MAST4: variants seen among roughly 807,000 people sequenced by gnomAD.
MAST4 encodes microtubule-associated serine/threonine-protein kinase 4.
In MAST4, 89 loss-of-function variants were observed where a neutral mutation model predicts 162.7. The ratio of observed to expected loss-of-function variants is 0.55; its 90% CI spans 0.46 to 0.65. MAST4 has a LOEUF of 0.65. Among genes scored for constraint, MAST4 ranks in the 30% least tolerant of loss-of-function variants. The pLI, the probability that MAST4 is intolerant of heterozygous loss-of-function variation, is 0.00. For missense variants in MAST4, 3,153 were observed against 3,374.0 expected, an observed-to-expected ratio of 0.93 and a Z score of 1.62; for synonymous variants, 1,479 against 1,361.1, an observed-to-expected ratio of 1.09 and a Z score of -1.91.
At position 66,596,395 on chromosome 5, in the gene MAST4, A is replaced by C; in HGVS notation, c.-261A>C. On this transcript the variant is annotated 5_prime_UTR_variant, in exon 1 of 29. Coordinates refer to ENST00000403625, the MANE Select transcript of MAST4 (RefSeq NM_001164664.2). ...CGGCTCGGGTGCAGCGCGGGAGCAC[A>C]GTGGAGCGCAGATCGCGGACCCGAG... 2 of 364,914 alleles carry C rather than the reference A, an allele frequency of 5.5e-6. No homozygotes were observed. Among genetic ancestry groups the C allele is most frequent in the East Asian group, 4.0e-5 (1 of 24,800 alleles). 22.6% of individuals were successfully genotyped at this position (364,914 alleles called of 1,614,324 possible). A position where few individuals can be genotyped will look rare whatever the true frequency, so the allele number is the denominator to read the frequency against.
chr5:66,875,809 G>A (rs1761260574), intron 3 of MAST4, among the ~76,000 whole-genome samples: 1 of 152,160 alleles, frequency 6.6e-6, no homozygotes, highest in Admixed American at 6.5e-5. Flanking sequence ...CACTCAGGCT[G>A]GAGTGCGGTA....
chr5:66,614,839 TG>T (rs1743560429), intron 1 of MAST4, among the ~76,000 whole-genome samples: 1 of 152,020 alleles, frequency 6.6e-6, no homozygotes, highest in Admixed American at 6.6e-5. Context: ...TGGGAGGTGA[TG>T]GGGTTCTCCT....
chr5:67,134,883 C>T (rs768924377), intron 18 of MAST4, among the ~76,000 whole-genome samples, 195 bp downstream of exon 18: 6 of 152,112 alleles, frequency 3.9e-5, no homozygotes, highest in Non-Finnish European at 8.8e-5. Context: ...GAAAATTGAT[C>T]TGAAGAAATG....
chr5:67,145,676 C>T (rs186766950), intron 23 of MAST4, among the ~76,000 whole-genome samples: 28 of 152,282 alleles, frequency 1.8e-4, no homozygotes, highest in African/African-American at 5.8e-4. Flanking sequence ...GAAGTCAGAA[C>T]GTGCTAAGGG....
At chr5:66,937,201 G>A (rs554310499) in intron 4 of MAST4, among the ~76,000 whole-genome samples, 142 of 152,228 alleles carry the variant, frequency 9.3e-4, no homozygotes, top group Non-Finnish European at 1.8e-3. Context: ...GAAAAATATT[G>A]GGGAGGTACA....
chr5:66,690,104 C>T (rs970376821), intron 1 of MAST4, among the ~76,000 whole-genome samples: 1 of 152,154 alleles, frequency 6.6e-6, no homozygotes, highest in Non-Finnish European at 1.5e-5. Context: ...GGAAACTCCA[C>T]TCCTGTTCCC....
At chr5:66,857,837 C>A (rs943639204) in intron 3 of MAST4, among the ~76,000 whole-genome samples, 2 of 151,980 alleles carry the variant, frequency 1.3e-5, no homozygotes, top group Non-Finnish European at 2.9e-5. Context: ...AGTAGAGGAC[C>A]GAATTTTAAT....
chr5:66,627,101 A>C (rs1744481665), intron 1 of MAST4, among the ~76,000 whole-genome samples: 1 of 152,236 alleles, frequency 6.6e-6, no homozygotes, highest in Non-Finnish European at 1.5e-5. Context: ...CTCACAGTTC[A>C]GCAGGGCTGG....
At chr5:66,909,752 G>A (rs1763620624) in intron 4 of MAST4, among the ~76,000 whole-genome samples, 1 of 151,866 alleles carries the variant, frequency 6.6e-6, no homozygotes, top group South Asian at 2.1e-4. Context: ...ATCTCATCTT[G>A]AATTGTAAAA....
intron 1 of MAST4, among the ~76,000 whole-genome samples, chr5:66,671,793 T>A (rs1747627277): frequency 6.6e-6 from 1 of 152,208 alleles, no homozygotes; most frequent in Non-Finnish European, 1.5e-5. Flanking sequence ...GTTAATTTTT[T>A]TCCTGATGTA....
chr5:66,836,519 G>C (rs1371675199), intron 3 of MAST4, among the ~76,000 whole-genome samples: 1 of 152,016 alleles, frequency 6.6e-6, no homozygotes, highest in East Asian at 1.9e-4. Flanking sequence ...TGCTATTTAT[G>C]ATAGCAATGA....
intron 3 of MAST4, among the ~76,000 whole-genome samples, chr5:66,879,858 A>G (rs1444909431): frequency 2.0e-5 from 3 of 152,182 alleles, no homozygotes; most frequent in African/African-American, 7.2e-5. Context: ...GGTTAGAACA[A>G]CTTCTGCAGA....
intron 1 of MAST4, among the ~76,000 whole-genome samples, chr5:66,682,481 C>G (rs1429397985): frequency 1.3e-5 from 2 of 152,166 alleles, no homozygotes; most frequent in Non-Finnish European, 2.9e-5. Context: ...AATTAGGGCT[C>G]TGGAGTCAGA....
At chr5:67,146,921 T>C (rs930223949) in intron 23 of MAST4, among the ~76,000 whole-genome samples, 1 of 152,156 alleles carries the variant, frequency 6.6e-6, no homozygotes, top group African/African-American at 2.4e-5. Context: ...TACAAAGGCC[T>C]TTATCTGGTT....
chr5:67,078,872 TTATATAAATATATTTATATATTTA>T (rs1762099701), intron 5 of MAST4, among the ~76,000 whole-genome samples: 1 of 102,104 alleles, frequency 9.8e-6, no homozygotes, highest in African/African-American at 3.9e-5. Flanking sequence ...AAATATATAT[TTATATAAATATATTTATATATTTA>T]TATATTTTTA....
At chr5:66,763,802 A>G (rs912127337) in intron 2 of MAST4, among the ~76,000 whole-genome samples, 2 of 152,156 alleles carry the variant, frequency 1.3e-5, no homozygotes, top group Admixed American at 6.5e-5. Context: ...GGGGTATGAA[A>G]TGCATTATTG....
At chr5:67,038,455 A>G (rs985954787) in intron 4 of MAST4, among the ~76,000 whole-genome samples, 13 of 152,180 alleles carry the variant, frequency 8.5e-5, no homozygotes, top group Non-Finnish European at 1.3e-4. Flanking sequence ...ATGGGGCAAG[A>G]TACTCTAAAA....
At position 67,008,375 on chromosome 5, in the gene MAST4, A is replaced by G. The variant is rs532247258; in HGVS notation, c.675-46029A>G. 2.0e-4 allele frequency among the ~76,000 whole-genome samples: 31 copies of G among 152,346 alleles called. 1 individual carries two copies. In the South Asian group the frequency reaches 6.2e-3, roughly 31 times the overall value. ...TCATGTCACTGCTTATGTTTATAGC[A>G]TCTTTTCTTTGCCCATTGGATGAAA... On this transcript the variant is annotated intron_variant, in intron 4 of 28. Coordinates refer to ENST00000403625, the MANE Select transcript of MAST4 (RefSeq NM_001164664.2).
intron 10 of MAST4, among the ~76,000 whole-genome samples, chr5:67,108,035 C>A (rs927574571): frequency 6.6e-6 from 1 of 152,164 alleles, no homozygotes; most frequent in Non-Finnish European, 1.5e-5. Context: ...TTCTTCTCCC[C>A]ACTTAAGTTA....
Sources: allele counts gnomAD v4.1 joint callset (sites outside exome capture counted in the v4.1 genomes callset), GRCh38; gene constraint gnomAD v4.1.1; transcripts MANE v1.5; gene names NCBI Gene and HGNC (gene_info 2026-07-23, HGNC 2026-07-21).